Variants in PRKCA observed in about 807,000 individuals in gnomAD.
PRKCA encodes the protein protein kinase C alpha, also known as protein kinase C alpha type.
PRKCA carries 27 observed loss-of-function variants against 87.0 expected under a neutral mutation model. The observed-to-expected ratio is 0.31, with a 90% CI of 0.23 to 0.43. PRKCA has a LOEUF of 0.43. PRKCA is among the 20% of genes least tolerant of loss of function. The pLI is 1.00. For missense variants in PRKCA, 518 were observed against 852.3 expected (o/e 0.61, Z 4.88); for synonymous variants, 329 against 311.1 (o/e 1.06, Z -0.61).
At chr17:66,746,778 T>C (rs1237088970) in intron 13 of PRKCA, among the ~76,000 whole-genome samples, 1 of 152,194 alleles carries the variant, frequency 6.6e-6, no homozygotes, top group Non-Finnish European at 1.5e-5. Flanking sequence ...CCTCTTTGCT[T>C]TGACATAGAA....
chr17:66,711,070 AAAT>A (rs1461755505), intron 8 of PRKCA, among the ~76,000 whole-genome samples: 5 of 151,476 alleles, frequency 3.3e-5, no homozygotes, highest in African/African-American at 9.8e-5. Flanking sequence ...ATAAATAAAT[AAAT>A]AAATAAAATT....
chr17:66,463,516 C>T (rs1338474284), intron 2 of PRKCA, among the ~76,000 whole-genome samples: 1 of 152,064 alleles, frequency 6.6e-6, no homozygotes, highest in African/African-American at 2.4e-5. Flanking sequence ...CTGCCTCAGC[C>T]TCCCAAGTAG....
chr17:66,373,684 C>T (rs1323710847), intron 2 of PRKCA, among the ~76,000 whole-genome samples: 1 of 152,176 alleles, frequency 6.6e-6, no homozygotes, highest in Non-Finnish European at 1.5e-5. Context: ...TTTTGCCATT[C>T]AGGGATTTAC....
At chr17:66,797,525 A>G (rs1255794315) in intron 16 of PRKCA, among the ~76,000 whole-genome samples, 3 of 152,130 alleles carry the variant, frequency 2.0e-5, no homozygotes, top group South Asian at 2.1e-4. Context: ...GGTGTACCCT[A>G]TGTCTGTCCT....
chr17:66,591,700 A>G (rs1315069139), intron 3 of PRKCA, among the ~76,000 whole-genome samples: 1 of 152,178 alleles, frequency 6.6e-6, no homozygotes, highest in Non-Finnish European at 1.5e-5. Flanking sequence ...GTTTGCTGCT[A>G]TAGGAAATGA....
chr17:66,433,273 G>T (rs1277473651), intron 2 of PRKCA, among the ~76,000 whole-genome samples: 3 of 152,136 alleles, frequency 2.0e-5, no homozygotes. Context: ...TGCAGCCCCG[G>T]CCCCAGCTCT....
At chr17:66,789,111 T>C (rs1975471599) in intron 16 of PRKCA, 132 bp downstream of exon 16, 1 of 1,141,696 alleles carries the variant, frequency 8.8e-7, no homozygotes, top group Admixed American at 2.6e-5. Flanking sequence ...CGGGCCAGGT[T>C]TCAGCCTTGT....
chr17:66,673,013 T>C (rs572233904), intron 5 of PRKCA, among the ~76,000 whole-genome samples: 30 of 152,262 alleles, frequency 2.0e-4, no homozygotes, highest in Admixed American at 1.2e-3. Context: ...ACTCCTATAA[T>C]AAGAAAAAAA....
At chr17:66,754,859 C>T (rs138682780) in intron 13 of PRKCA, among the ~76,000 whole-genome samples, 15 of 152,104 alleles carry the variant, frequency 9.9e-5, no homozygotes, top group Admixed American at 2.0e-4. Context: ...ATGCTAAGGA[C>T]GGAATTGCAC....
intron 10 of PRKCA, among the ~76,000 whole-genome samples, chr17:66,737,783 A>G (rs186419760): frequency 1.3e-5 from 2 of 152,348 alleles, no homozygotes; most frequent in Non-Finnish European, 1.5e-5. Flanking sequence ...CGGAAGAGAC[A>G]ACCACAGCTC....
intron 2 of PRKCA, among the ~76,000 whole-genome samples, chr17:66,326,041 A>G (rs1195316926): frequency 6.6e-6 from 1 of 152,166 alleles, no homozygotes; most frequent in African/African-American, 2.4e-5. Context: ...AGGACCTACC[A>G]TTTGTTGAGA....
chr17:66,563,437 A>G (rs1476876576), intron 3 of PRKCA, among the ~76,000 whole-genome samples: 1 of 152,184 alleles, frequency 6.6e-6, no homozygotes, highest in Non-Finnish European at 1.5e-5. Context: ...TAGCCTGTTC[A>G]GATTGGCTTC....
intron 2 of PRKCA, among the ~76,000 whole-genome samples, chr17:66,345,266 T>TTGTG (rs148343223): frequency 1.3e-5 from 2 of 151,516 alleles, no homozygotes; most frequent in African/African-American, 4.8e-5. Context: ...CTAGCTACTT[T>TTGTG]TGTGTGTGTG....
intron 3 of PRKCA, among the ~76,000 whole-genome samples, chr17:66,530,483 A>G (rs1026408896): frequency 1.3e-5 from 2 of 152,336 alleles, no homozygotes; most frequent in East Asian, 3.9e-4. Context: ...CTGGATATCA[A>G]AAGCACCACG....
At chr17:66,680,461 G>T (rs149898137) in intron 5 of PRKCA, among the ~76,000 whole-genome samples, 7 of 152,212 alleles carry the variant, frequency 4.6e-5, no homozygotes, top group Admixed American at 2.6e-4. Flanking sequence ...GCTCTTAGAG[G>T]GGGGGAGAAA....
At chr17:66,633,096 A>G (rs1349170520) in intron 3 of PRKCA, among the ~76,000 whole-genome samples, 4 of 152,212 alleles carry the variant, frequency 2.6e-5, no homozygotes, top group African/African-American at 9.6e-5. Flanking sequence ...TCAGAGGCCA[A>G]GTGCGATCCT....
chr17:66,455,668 T>TA (rs1914548303), intron 2 of PRKCA, among the ~76,000 whole-genome samples: 1 of 152,192 alleles, frequency 6.6e-6, no homozygotes, highest in Non-Finnish European at 1.5e-5. Context: ...ACTGGGATCT[T>TA]ACCTGTGTGG....
At chr17:66,492,708 G>A (rs1032741448) in intron 2 of PRKCA, among the ~76,000 whole-genome samples, 6 of 152,248 alleles carry the variant, frequency 3.9e-5, no homozygotes, top group Admixed American at 1.3e-4. Context: ...GAGCAGATCA[G>A]ATTAATTTGT....
intron 2 of PRKCA, among the ~76,000 whole-genome samples, chr17:66,411,854 G>GGGCCGGCC (rs111553913): frequency 0.011 from 1,644 of 143,548 alleles, 24 homozygotes; most frequent in African/African-American, 0.037. Flanking sequence ...TCTGAGCAAT[G>GGGCCGGCC]GGCCGCCTAC....
Sources: allele counts gnomAD v4.1 joint callset (sites outside exome capture counted in the v4.1 genomes callset), GRCh38; gene constraint gnomAD v4.1.1; transcripts MANE v1.5; gene names NCBI Gene and HGNC (gene_info 2026-07-23, HGNC 2026-07-21).